Variants in PHC1 observed in about 807,000 individuals in gnomAD.
PHC1 encodes polyhomeotic homolog 1.
A neutral mutation model predicts 104.3 loss-of-function variants in PHC1; 12 were observed. The observed-to-expected ratio is 0.12, with a 90% CI of 0.07 to 0.19. The LOEUF (loss-of-function observed/expected upper bound fraction) is 0.19. Ranked by LOEUF, PHC1 falls within the 10% of genes least tolerant of loss-of-function variation. The pLI is 1.00. For missense variants in PHC1, 671 were observed against 1,200.0 expected, an observed-to-expected ratio of 0.56 and a Z score of 6.51; for synonymous variants, 302 against 455.8, an observed-to-expected ratio of 0.66 and a Z score of 4.30.
intron 6 of PHC1, among the ~76,000 whole-genome samples, chr12:8,923,550 C>T (rs994423908): frequency 4.6e-5 from 7 of 152,098 alleles, no homozygotes; most frequent in Non-Finnish European, 8.8e-5. Flanking sequence ...TGGGAAAGGC[C>T]GGGCGCGGTG....
At chr12:8,927,894 TTTC>T (rs1244251630) in intron 6 of PHC1, among the ~76,000 whole-genome samples, 3 of 113,946 alleles carry the variant, frequency 2.6e-5, no homozygotes, top group African/African-American at 8.2e-5. Context: ...TCTTTCTTTC[TTTC>T]TTTCTTTCTT....
intron 4 of PHC1, among the ~76,000 whole-genome samples, chr12:8,921,379 G>A (rs1230422793): frequency 6.6e-6 from 1 of 152,148 alleles, no homozygotes; most frequent in Admixed American, 6.5e-5. Flanking sequence ...CTTCTCAACT[G>A]TTAACACTAG....
At chr12:8,922,890 TCTTA>T in intron 6 of PHC1, 102 bp downstream of exon 6, 1 of 1,041,150 alleles carries the variant, frequency 9.6e-7, no homozygotes, top group South Asian at 1.8e-5. Flanking sequence ...TTTTCAGAAT[TCTTA>T]CTTTTTGTGT....
rs3026262 is a variant in PHC1 at position 8,933,523 on chromosome 12, C to T, written c.1893+173C>T. 3,740 of 922,588 alleles carry T rather than the reference C, an allele frequency of 4.1e-3. 109 individuals are homozygous for T. In the African/African-American group the frequency reaches 0.055, roughly 14 times the overall value. The allele number at this position is 922,588 out of a possible 1,614,324, so 57.2% of individuals were successfully genotyped here. On this transcript the variant is annotated intron_variant, in intron 8 of 14. Transcript: ENST00000544916. ...CATTATATAATATCTGAACTTTATACTCCTAAATTTGTTGCTGATACTATT... is the reference window on the plus strand; with the variant it reads ...CATTATATAATATCTGAACTTTATATTCCTAAATTTGTTGCTGATACTATT...
rs1945655541 is a variant in PHC1, at chr12:8,930,635, T to G, written c.813T>G (p.Ser271Arg). 7 of 1,472,856 alleles carry G rather than the reference T, an allele frequency of 4.8e-6. No individual in the cohort carries two copies. The highest frequency in any genetic ancestry group is 6.4e-6 in the Non-Finnish European group (7 of 1,085,914). 91.2% of individuals were successfully genotyped at this position (1,472,856 alleles called of 1,614,324 possible). Reference protein sequence around the residue: ...SLNLSQAGGGSGNSIPGSMGP... With the variant: ...SLNLSQAGGGRGNSIPGSMGP... ...ACCTTAGTCAAGCTGGTGGAGGCAG[T>G]GGGAATAGCATCCCAGGGTCCATGG... Residue 271 changes from serine (S) to arginine (R), a missense_variant, in exon 7 of 15, where the codon AGT becomes AGG. This residue lies in a region of PHC1 where 237 missense variants were observed against 331.1 expected (regional missense o/e 0.72). Coordinates refer to ENST00000544916, the MANE Select transcript of PHC1 (RefSeq NM_004426.3).
intron 6 of PHC1, among the ~76,000 whole-genome samples, chr12:8,927,386 A>C (rs768345316): frequency 2.6e-5 from 4 of 152,220 alleles, no homozygotes; most frequent in Admixed American, 2.0e-4. Context: ...CATGGTGATG[A>C]GGGAGCCAGT....
chr12:8,936,439 A>G (rs776398715), intron 11 of PHC1, among the ~76,000 whole-genome samples: 1 of 152,254 alleles, frequency 6.6e-6, no homozygotes, highest in Non-Finnish European at 1.5e-5. Flanking sequence ...TTTAATTTCC[A>G]GTTCTCCTTA....
Position 8,937,341 on chromosome 12 carries a change from G to T in PHC1, c.2628+15G>T. 1 of 1,595,438 alleles carries T rather than the reference G, an allele frequency of 6.3e-7. No individual in the cohort carries two copies. Among genetic ancestry groups the T allele is most frequent in the Non-Finnish European group, 8.5e-7 (1 of 1,171,528 alleles). ...AGTGCCACCGGGTGAGCTGCTTGTT[G>T]TAGAGCCAGATGCCTTTAAACTGGG... On this transcript the variant is annotated intron_variant, in intron 13 of 14. Transcript: ENST00000544916.
At chr12:8,923,109 T>C (rs1027159938) in intron 6 of PHC1, among the ~76,000 whole-genome samples, 1 of 152,236 alleles carries the variant, frequency 6.6e-6, no homozygotes, top group African/African-American at 2.4e-5. Flanking sequence ...TCTCTCATAG[T>C]ACTGTCAGAA....
At chr12:8,924,356 A>G (rs1945455234) in intron 6 of PHC1, among the ~76,000 whole-genome samples, 1 of 152,180 alleles carries the variant, frequency 6.6e-6, no homozygotes, top group Non-Finnish European at 1.5e-5. Flanking sequence ...GTGTGCCTGT[A>G]GTTCCACCTA....
chr12:8,933,920 A>G lies in PHC1; in HGVS notation c.1949A>G (p.Asp650Gly). The G allele has an allele frequency of 6.2e-7, 1 of 1,609,620 alleles. No homozygotes were observed. Among genetic ancestry groups the G allele is most frequent in the Non-Finnish European group, 8.5e-7 (1 of 1,175,840 alleles). ...AAGGCTGACTCTGAGGAGGAGAGAGATGATGTCTCCACATTGGGTTCAATG... is the reference window on the plus strand; with the variant it reads ...AAGGCTGACTCTGAGGAGGAGAGAGGTGATGTCTCCACATTGGGTTCAATG... ...KRKADSEEER[D>G]DVSTLGSMLP... The change falls in exon 9 of 15, where the codon GAT becomes GGT. Residue 650 changes from aspartate to glycine, a missense_variant. By Grantham distance (94) the Asp-to-Gly change is moderately conservative. Around this residue, in one of 9 missense-constraint regions of PHC1, gnomAD observed 95 missense variants for 108.8 expected, o/e 0.87. Coordinates refer to ENST00000544916, the MANE Select transcript of PHC1 (RefSeq NM_004426.3).
At chr12:8,918,960 G>A (rs74996822) in intron 2 of PHC1, among the ~76,000 whole-genome samples, 3,308 of 152,266 alleles carry the variant, frequency 0.022, 114 homozygotes, top group African/African-American at 0.075. Context: ...CCACTCCTGT[G>A]TATGTAGTCT....
chr12:8,924,828 G>C (rs1945471899), intron 6 of PHC1, among the ~76,000 whole-genome samples: 1 of 152,168 alleles, frequency 6.6e-6, no homozygotes, highest in Non-Finnish European at 1.5e-5. Context: ...TTGAACAGCA[G>C]ATTAACAAGA....
At chr12:8,918,992 A>G (rs928886430) in intron 2 of PHC1, among the ~76,000 whole-genome samples, 3 of 152,152 alleles carry the variant, frequency 2.0e-5, no homozygotes, top group African/African-American at 4.8e-5. Flanking sequence ...AACAGTGGAT[A>G]TGTGGTGCAT....
At chr12:8,917,571 C>A in intron 1 of PHC1, 59 bp from the exon 2 acceptor site, 1 of 508,426 alleles carries the variant, frequency 2.0e-6, no homozygotes, top group South Asian at 3.6e-5. Context: ...TGAATAATAA[C>A]ATGAGATAAC....
At chr12:8,918,325 T>C (rs1945258363) in intron 2 of PHC1, among the ~76,000 whole-genome samples, 1 of 152,256 alleles carries the variant, frequency 6.6e-6, no homozygotes, top group Non-Finnish European at 1.5e-5. Context: ...CATAAATCTG[T>C]ATTAGCATAC....
intron 3 of PHC1, among the ~76,000 whole-genome samples, chr12:8,920,524 A>G (rs1410944160): frequency 6.6e-6 from 1 of 151,914 alleles, no homozygotes; most frequent in African/African-American, 2.4e-5. Context: ...CCTGGCCTAT[A>G]TGGTGAAACT....
intron 9 of PHC1, 108 bp from the exon 10 acceptor site, chr12:8,934,159 A>C: frequency 7.7e-7 from 1 of 1,299,842 alleles, no homozygotes; most frequent in Non-Finnish European, 1.1e-6. Flanking sequence ...ATCCAGGTGA[A>C]TTGTCAAGGG....
intron 13 of PHC1, 97 bp downstream of exon 13, chr12:8,937,423 G>C: frequency 8.8e-7 from 1 of 1,140,136 alleles, no homozygotes; most frequent in South Asian, 1.6e-5. Context: ...GGTGTGAGAT[G>C]AGAACTCTGG....
Sources: gnomAD v4.1 joint callset for allele counts (sites outside exome capture counted in the v4.1 genomes callset) on GRCh38, gnomAD v4.1.1 for gene constraint, gnomAD v4.1.1 regional missense constraint, MANE v1.5 for transcripts, NCBI Gene and HGNC (gene_info 2026-07-23, HGNC 2026-07-21) for gene names.